Variants in TMPRSS11F observed in about 807,000 individuals in gnomAD.
TMPRSS11F encodes the protein transmembrane serine protease 11F.
Under a neutral mutation model 60.2 loss-of-function variants are expected in TMPRSS11F, and 47 were observed. The observed-to-expected ratio is 0.78, with a 90% CI of 0.62 to 1.00. The LOEUF is 1.00. Ranked by LOEUF, TMPRSS11F falls within the 50% of genes least tolerant of loss-of-function variation. The pLI, the probability that TMPRSS11F is intolerant of heterozygous loss-of-function variation, is 0.00. For missense variants in TMPRSS11F, 519 were observed against 522.9 expected, an observed-to-expected ratio of 0.99 and a Z score of 0.07; for synonymous variants, 166 against 167.3, an observed-to-expected ratio of 0.99 and a Z score of 0.06.
chr4:68,112,980 T>A (rs1363673041), intron 1 of TMPRSS11F, among the ~76,000 whole-genome samples: 1 of 152,196 alleles, frequency 6.6e-6, no homozygotes, highest in Non-Finnish European at 1.5e-5. Context: ...TTTATTTTTC[T>A]AATATTATAC....
intron 8 of TMPRSS11F, among the ~76,000 whole-genome samples, chr4:68,063,581 A>G (rs1289895777): frequency 1.3e-5 from 2 of 151,958 alleles, no homozygotes; most frequent in Admixed American, 6.6e-5. Flanking sequence ...GAGTTTCACC[A>G]TATTGGCCAG....
At chr4:68,126,910 G>A (rs1413786045) in intron 1 of TMPRSS11F, among the ~76,000 whole-genome samples, 1 of 152,158 alleles carries the variant, frequency 6.6e-6, no homozygotes, top group African/African-American at 2.4e-5. Context: ...TAAATGTCAG[G>A]AGGAACATCC....
Position 68,069,955 on chromosome 4 carries a change from GT to G in TMPRSS11F, c.553+13del. The G allele has an allele frequency of 1.9e-6, 3 of 1,591,848 alleles. No homozygotes were observed. The highest frequency in any genetic ancestry group is 1.7e-6 in the Non-Finnish European group (2 of 1,167,938). On this transcript the variant is annotated intron_variant, in intron 6 of 9. Coordinates refer to ENST00000356291, the MANE Select transcript of TMPRSS11F (RefSeq NM_207407.2). ...CTGTGAAATAAACAGTTAATTGTGG[GT>G]TTTGGAACTTACGACTGTTGAGAAG... is the stretch of plus-strand genomic sequence containing the variant.
Position 68,121,205 on chromosome 4 carries a change from A to T in TMPRSS11F, c.11+8605T>A, listed in dbSNP as rs566070282. Among the ~76,000 whole-genome samples, 190 of 152,304 alleles carry T rather than the reference A, an allele frequency of 1.2e-3. 2 individuals carry two copies. The highest frequency in any genetic ancestry group is 4.4e-3 in the African/African-American group (181 of 41,558). On this transcript the variant is annotated intron_variant, in intron 1 of 9. Transcript: ENST00000356291. ...AATTAATTCTGTTTTTTAAAACTCA[A>T]GTTCAATTGTTTCAACCAAAATAAT...
At chr4:68,105,049 G>GTTTTTTTTTTTTTTTTTTTTTT (rs34041075) in intron 1 of TMPRSS11F, among the ~76,000 whole-genome samples, 1 of 55,168 alleles carries the variant, frequency 1.8e-5, no homozygotes, top group African/African-American at 7.7e-5. Flanking sequence ...TTCCCTCTAG[G>GTTTTTTTTTTTTTTTTTTTTTT]TTTTTTTTTT....
chr4:68,063,904 AAT>A (rs1427362604), intron 8 of TMPRSS11F, among the ~76,000 whole-genome samples: 1 of 152,224 alleles, frequency 6.6e-6, no homozygotes, highest in Non-Finnish European at 1.5e-5. Context: ...AAATAATTAA[AAT>A]AAACAAAGGA....
intron 3 of TMPRSS11F, among the ~76,000 whole-genome samples, chr4:68,076,033 C>A (rs140738252): frequency 7.2e-5 from 11 of 151,778 alleles, no homozygotes; most frequent in African/African-American, 2.4e-4. Context: ...ACACTTACAG[C>A]AGGAAAAATC....
rs762446519 is a variant in TMPRSS11F at position 68,062,546 on chromosome 4, C to T, written c.1015+2139G>A. On this transcript the variant is annotated intron_variant, in intron 8 of 9. Coordinates refer to ENST00000356291, the MANE Select transcript of TMPRSS11F (RefSeq NM_207407.2). ...GTAACTGTTTGCTTATTGTATTCATCGTGACTCTAGCAACGCCTGCCATCT... is the reference window on the plus strand; with the variant it reads ...GTAACTGTTTGCTTATTGTATTCATTGTGACTCTAGCAACGCCTGCCATCT... 5 of 775,588 alleles carry T rather than the reference C, an allele frequency of 6.4e-6. No individual in the cohort carries two copies. In the South Asian group the frequency reaches 6.7e-5, roughly 10 times the overall value. 48.0% of individuals were successfully genotyped at this position (775,588 alleles called of 1,614,324 possible). A position where few individuals can be genotyped will look rare whatever the true frequency, so the allele number is the denominator to read the frequency against.
intron 6 of TMPRSS11F, 63 bp downstream of exon 6, chr4:68,069,906 T>C: frequency 7.1e-7 from 1 of 1,409,514 alleles, no homozygotes; most frequent in Non-Finnish European, 9.6e-7. Flanking sequence ...CCAACTTTTC[T>C]ATAACTTTTT....
chr4:68,075,202 A>G (rs2109849074), intron 3 of TMPRSS11F, among the ~76,000 whole-genome samples: 1 of 152,158 alleles, frequency 6.6e-6, no homozygotes, highest in Non-Finnish European at 1.5e-5. Context: ...TACCTCCTAA[A>G]TGTTAAATCC....
At chr4:68,083,787 C>T (rs1723752557) in intron 3 of TMPRSS11F, among the ~76,000 whole-genome samples, 1 of 152,178 alleles carries the variant, frequency 6.6e-6, no homozygotes, top group Admixed American at 6.5e-5. Context: ...TGTCTCCTTG[C>T]CTGCAAACAA....
Position 68,112,363 on chromosome 4 carries a change from A to G in TMPRSS11F, c.12-13325T>C, listed in dbSNP as rs565585774. ...GATCCAGCTTAAATGTTACATCTCC[A>G]TGGACCTTTTCTGAATCCCTAGTTA... is the stretch of plus-strand genomic sequence containing the variant. On this transcript the variant is annotated intron_variant, in intron 1 of 9. Coordinates refer to ENST00000356291, the MANE Select transcript of TMPRSS11F (RefSeq NM_207407.2). 3.9e-5 allele frequency among the ~76,000 whole-genome samples: 6 copies of G among 152,196 alleles called. No individual in the cohort carries two copies. In the East Asian group the frequency reaches 9.7e-4, roughly 25 times the overall value.
At chr4:68,059,213 T>A (rs1019067573) in intron 9 of TMPRSS11F, 113 bp downstream of exon 9, 1 of 1,053,834 alleles carries the variant, frequency 9.5e-7, no homozygotes. Context: ...ATAAAGTCAG[T>A]TCTCGGTGTA....
At chr4:68,113,307 G>A (rs1031220698) in intron 1 of TMPRSS11F, among the ~76,000 whole-genome samples, 1 of 152,020 alleles carries the variant, frequency 6.6e-6, no homozygotes, top group African/African-American at 2.4e-5. Flanking sequence ...TTCTGTGGAA[G>A]GTAGAACCTG....
At chr4:68,062,656 G>A (rs61751924) in intron 8 of TMPRSS11F, 1 of 776,324 alleles carries the variant, frequency 1.3e-6, no homozygotes, top group East Asian at 2.5e-5. Context: ...AATAAATCCA[G>A]CCTATCATCT....
intron 2 of TMPRSS11F, among the ~76,000 whole-genome samples, chr4:68,094,481 A>G (rs1014096927): frequency 6.7e-6 from 1 of 148,338 alleles, no homozygotes; most frequent in Non-Finnish European, 1.5e-5. Context: ...GCGCACCAGC[A>G]TGGCACATGT....
At chr4:68,118,082 A>G (rs1037278374) in intron 1 of TMPRSS11F, among the ~76,000 whole-genome samples, 1 of 152,252 alleles carries the variant, frequency 6.6e-6, no homozygotes, top group African/African-American at 2.4e-5. Flanking sequence ...GTGGACTCAC[A>G]AAGAATACCA....
chr4:68,088,016 A>G (rs552883801), intron 3 of TMPRSS11F, among the ~76,000 whole-genome samples: 6 of 151,788 alleles, frequency 4.0e-5, no homozygotes, highest in African/African-American at 1.5e-4. Context: ...GATGATTTCC[A>G]ATTTCATCCA....
At chr4:68,114,217 T>C (rs1169724200) in intron 1 of TMPRSS11F, among the ~76,000 whole-genome samples, 3 of 150,254 alleles carry the variant, frequency 2.0e-5, no homozygotes, top group Non-Finnish European at 3.0e-5. Context: ...AAAAGCAGAG[T>C]AAATTAAACC....
Sources: allele counts gnomAD v4.1 joint callset (sites outside exome capture counted in the v4.1 genomes callset), GRCh38; gene constraint gnomAD v4.1.1; transcripts MANE v1.5; gene names NCBI Gene and HGNC (gene_info 2026-07-23, HGNC 2026-07-21).